COL4A1: variants seen among roughly 807,000 people sequenced by gnomAD.
COL4A1 encodes collagen alpha-1(IV) chain.
A neutral mutation model predicts 216.6 loss-of-function variants in COL4A1; 40 were observed. The observed-to-expected ratio is 0.18, with a 90% CI of 0.14 to 0.24. The LOEUF (loss-of-function observed/expected upper bound fraction) is 0.24. COL4A1 is among the 10% of genes least tolerant of loss of function. The pLI is 1.00. For missense variants in COL4A1, 1,628 were observed against 2,196.8 expected, an observed-to-expected ratio of 0.74 and a Z score of 5.18; for synonymous variants, 839 against 810.7, an observed-to-expected ratio of 1.03 and a Z score of -0.59.
intron 1 of COL4A1, among the ~76,000 whole-genome samples, chr13:110,295,258 CTTTTTTTTTTT>C (rs67516756): frequency 0.18 from 24,087 of 135,636 alleles, 2,015 homozygotes; most frequent in South Asian, 0.29. Context: ...TTCTTTCTTT[CTTTTTTTTTTT>C]TTTTTTTGAG....
chr13:110,182,590 C>T, intron 28 of COL4A1, among the ~76,000 whole-genome samples: 1 of 152,202 alleles, frequency 6.6e-6, no homozygotes, highest in East Asian at 1.9e-4. Context: ...CGGTAGGACT[C>T]CTCCCCTCGG....
At chr13:110,202,989 G>A (rs1180785605) in intron 18 of COL4A1, among the ~76,000 whole-genome samples, 3 of 152,120 alleles carry the variant, frequency 2.0e-5, no homozygotes, top group Non-Finnish European at 4.4e-5. Flanking sequence ...AAGGTGGGTG[G>A]GTCACCTGAG....
intron 1 of COL4A1, among the ~76,000 whole-genome samples, chr13:110,269,768 C>A (rs117441792): frequency 6.6e-6 from 1 of 151,854 alleles, no homozygotes; most frequent in African/African-American, 2.4e-5. Context: ...CCTCAAGAGG[C>A]CTTTGTATGA....
chr13:110,176,548 C>T, intron 35 of COL4A1, 35 bp from the exon 36 acceptor site: 1 of 1,595,614 alleles, frequency 6.3e-7, no homozygotes, highest in Non-Finnish European at 8.6e-7. Flanking sequence ...GACAGGTTGA[C>T]ATCTACAGAA....
rs1055896439 is a variant in COL4A1, at chr13:110,179,181, A to G, written c.2344+90T>C. The G allele has an allele frequency of 2.8e-5, 45 of 1,581,376 alleles. No individual in the cohort carries two copies. In the South Asian group the frequency reaches 3.1e-4, roughly 11 times the overall value. On this transcript the variant is annotated intron_variant, in intron 30 of 51. Transcript: ENST00000375820. ...TTTGCATCGTTCGTTCAACAAATAC[A>G]TATCAAATATACTCGGTAGGGGCTC...
At chr13:110,179,227 C>T (rs370126306) in intron 30 of COL4A1, 44 bp downstream of exon 30, 490 of 1,612,226 alleles carry the variant, frequency 3.0e-4, no homozygotes, top group Non-Finnish European at 4.0e-4. Context: ...AAAATAAGCA[C>T]ATCCTGTCCT....
intron 43 of COL4A1, among the ~76,000 whole-genome samples, chr13:110,169,015 T>C (rs993852706): frequency 6.7e-6 from 1 of 150,174 alleles, no homozygotes; most frequent in African/African-American, 2.5e-5. Flanking sequence ...AAGGGCTATA[T>C]ATTCAGGTGC....
chr13:110,163,932 G>GT lies in COL4A1; in HGVS notation c.4151-372dup, dbSNP rs564415668. On this transcript the variant is annotated intron_variant, in intron 46 of 51. Transcript: ENST00000375820. The stretch of plus-strand genomic sequence containing the variant: ...GGCAACAGATATACCAACATGGATA[G>GT]TTTTTTTGTTTTCATGTACATAGCT... 1.5e-3 allele frequency among the ~76,000 whole-genome samples: 219 copies of GT among 146,804 alleles called. 1 individual carries two copies. The highest frequency in any genetic ancestry group is 4.7e-3 in the Admixed American group (69 of 14,706).
chr13:110,200,157 G>A (rs1460719427), intron 20 of COL4A1, among the ~76,000 whole-genome samples: 2 of 152,270 alleles, frequency 1.3e-5, no homozygotes, highest in African/African-American at 4.8e-5. Flanking sequence ...CAATGCTAGG[G>A]CACGTGAGCG....
intron 40 of COL4A1, 28 bp downstream of exon 40, chr13:110,173,872 T>A: frequency 6.2e-7 from 1 of 1,613,810 alleles, no homozygotes. Context: ...CTGCTGATTC[T>A]GATAGGGAAT....
intron 2 of COL4A1, among the ~76,000 whole-genome samples, chr13:110,230,290 GTA>G (rs1262653742): frequency 2.0e-5 from 3 of 151,968 alleles, no homozygotes; most frequent in East Asian, 3.9e-4. Flanking sequence ...GCGTGTATAT[GTA>G]TGTGTGTGGT....
intron 1 of COL4A1, 56 bp from the exon 2 acceptor site, chr13:110,242,790 T>C (rs775193012): frequency 3.2e-5 from 50 of 1,573,680 alleles, no homozygotes; most frequent in Non-Finnish European, 4.1e-5. Flanking sequence ...GCGAGGGCAC[T>C]ATGCAAATGG....
At chr13:110,245,235 T>A (rs531856230) in intron 1 of COL4A1, among the ~76,000 whole-genome samples, 1 of 152,290 alleles carries the variant, frequency 6.6e-6, no homozygotes, top group Admixed American at 6.5e-5. Context: ...AGCTATTCCA[T>A]CACCAGGTCA....
Position 110,307,143 on chromosome 13 carries a change from T to A in COL4A1, c.-116A>T. ...TACGCACCGTCCCGGGTGCGGCGGC[T>A]CCAAGCGGAGACCTGAGCGCGGCGG... is the stretch of plus-strand genomic sequence containing the variant. On this transcript the variant is annotated 5_prime_UTR_variant, in exon 1 of 52. Transcript: ENST00000375820. This position sits in a 1 kb window ranked among gnomAD's most constrained non-coding sequence, Gnocchi z 5.0. The A allele has an allele frequency of 1.2e-6, 1 of 836,640 alleles. No individual in the cohort carries two copies. Among genetic ancestry groups the A allele is most frequent in the Non-Finnish European group, 1.7e-6 (1 of 596,670 alleles). 51.8% of individuals were successfully genotyped at this position (836,640 alleles called of 1,614,324 possible).
chr13:110,260,788 G>A (rs1348594248), intron 1 of COL4A1, among the ~76,000 whole-genome samples: 4 of 152,108 alleles, frequency 2.6e-5, no homozygotes, highest in East Asian at 3.9e-4. Context: ...GGTGGCTCAC[G>A]CCTGTAATCC....
chr13:110,247,262 A>G (rs1163783673), intron 1 of COL4A1, among the ~76,000 whole-genome samples: 1 of 152,194 alleles, frequency 6.6e-6, no homozygotes, highest in Non-Finnish European at 1.5e-5. Context: ...GAAAATAATA[A>G]TAATAGTCCC....
At position 110,155,388 on chromosome 13, in the gene COL4A1, C is replaced by T. The variant is rs1482364796; in HGVS notation, c.4650G>A (p.Val1550=). The T allele has an allele frequency of 6.2e-7, 1 of 1,613,714 alleles. No individual in the cohort carries two copies. The highest frequency in any genetic ancestry group is 2.2e-5 in the East Asian group (1 of 44,868). ...NIRPFISRCA[V]CEAPAMVMAV... ...CCATCACCATGGCAGGCGCCTCACA[C>T]ACAGCACACCTGGAAGTGGAGCAGA... Residue 1550 remains valine, a synonymous_variant, in exon 50 of 52, where the codon GTG becomes GTA. Coordinates refer to ENST00000375820, the MANE Select transcript of COL4A1 (RefSeq NM_001845.6).
chr13:110,162,004 C>T (rs1015056322), intron 48 of COL4A1: 2 of 612,588 alleles, frequency 3.3e-6, no homozygotes, highest in Admixed American at 2.8e-5. Context: ...TCAGTCTCCA[C>T]ATTTCTTGGC....
At chr13:110,288,262 CAA>C (rs67261918) in intron 1 of COL4A1, among the ~76,000 whole-genome samples, 22,243 of 144,650 alleles carry the variant, frequency 0.15, 2,053 homozygotes, top group South Asian at 0.21. Flanking sequence ...AACTCCCTCT[CAA>C]AAAAAAAAAA....
Sources: allele counts gnomAD v4.1 joint callset (sites outside exome capture counted in the v4.1 genomes callset), GRCh38; gene constraint gnomAD v4.1.1; non-coding constraint Gnocchi (gnomAD v3.1); transcripts MANE v1.5; gene names NCBI Gene and HGNC (gene_info 2026-07-23, HGNC 2026-07-21).